The following SLCO1A2 variants were observed in gnomAD, a reference collection of about 807,000 sequenced individuals.
The protein encoded by SLCO1A2 is solute carrier organic anion transporter family member 1A2.
A neutral mutation model predicts 69.0 loss-of-function variants in SLCO1A2; 67 were observed. The observed-to-expected ratio is 0.97, with a 90% CI of 0.80 to 1.19. The LOEUF is 1.19. SLCO1A2 is among the 50% of genes most tolerant of loss of function. SLCO1A2 has a pLI of 0.00. For missense variants in SLCO1A2, 787 were observed against 793.7 expected, an observed-to-expected ratio of 0.99 and a Z score of 0.10; for synonymous variants, 260 against 265.9, an observed-to-expected ratio of 0.98 and a Z score of 0.22.
intron 2 of SLCO1A2, among the ~76,000 whole-genome samples, chr12:21,360,913 G>A (rs948183667): frequency 2.0e-5 from 3 of 152,104 alleles, no homozygotes; most frequent in African/African-American, 4.8e-5. Flanking sequence ...GGAGCCCACC[G>A]CAGCTCAAGG....
At chr12:21,292,136 A>T in intron 12 of SLCO1A2, 28 bp downstream of exon 12, 1 of 1,486,232 alleles carries the variant, frequency 6.7e-7, no homozygotes, top group Non-Finnish European at 9.0e-7. Context: ...ACCCCAAAAA[A>T]ATATAAATAA....
At chr12:21,272,668 T>G (rs1943089094) in intron 14 of SLCO1A2, among the ~76,000 whole-genome samples, 1 of 152,118 alleles carries the variant, frequency 6.6e-6, no homozygotes, top group African/African-American at 2.4e-5. Context: ...TTTTGATCTA[T>G]CTATCTCTTA....
upstream of SLCO1A2, among the ~76,000 whole-genome samples, chr12:21,396,629 C>T (rs1413124617): frequency 1.3e-5 from 2 of 152,000 alleles, no homozygotes; most frequent in South Asian, 2.1e-4. Context: ...AGAGAAAGGT[C>T]GGGTTACCCT....
intron 12 of SLCO1A2, among the ~76,000 whole-genome samples, chr12:21,288,736 A>G (rs1946363067): frequency 6.6e-6 from 1 of 152,056 alleles, no homozygotes; most frequent in Non-Finnish European, 1.5e-5. Flanking sequence ...TAATATGGTT[A>G]TTACACACTG....
At chr12:21,376,297 A>C (rs750722975) in intron 1 of SLCO1A2, 2 of 336,326 alleles carry the variant, frequency 5.9e-6, no homozygotes, top group Non-Finnish European at 1.2e-5. Context: ...TTTGACCCAT[A>C]ATTTTCCTTT....
At position 21,309,888 on chromosome 12, in the gene SLCO1A2, G is replaced by A. The variant is rs562019309; in HGVS notation, c.336-2900C>T. On this transcript the variant is annotated intron_variant, in intron 4 of 14. Transcript: ENST00000683939. ...AGATGGAGAATTGAAAGTGATATGTGAGGAATCTCCAAGACAAAAATAATA... is the reference window on the plus strand; with the variant it reads ...AGATGGAGAATTGAAAGTGATATGTAAGGAATCTCCAAGACAAAAATAATA... Among the ~76,000 whole-genome samples, 58 of 152,286 alleles carry A rather than the reference G, an allele frequency of 3.8e-4. No individual in the cohort carries two copies. The South Asian group carries it at 0.011, about 30-fold the overall frequency.
chr12:21,384,560 A>G (rs1182929659), intron 1 of SLCO1A2, among the ~76,000 whole-genome samples: 2 of 152,168 alleles, frequency 1.3e-5, no homozygotes, highest in Non-Finnish European at 2.9e-5. Flanking sequence ...GAAACAGCAT[A>G]TCTGGTAAGT....
intron 1 of SLCO1A2, among the ~76,000 whole-genome samples, chr12:21,406,797 A>G (rs1941830019): frequency 6.6e-6 from 1 of 152,218 alleles, no homozygotes; most frequent in Non-Finnish European, 1.5e-5. Flanking sequence ...GTTAGCAAAT[A>G]GATGTGAAAG....
intron 2 of SLCO1A2, among the ~76,000 whole-genome samples, chr12:21,363,262 C>T (rs1378943425): frequency 6.6e-6 from 1 of 152,154 alleles, no homozygotes; most frequent in Non-Finnish European, 1.5e-5. Context: ...CGCTCAACTA[C>T]ATGGAAACTG....
At chr12:21,290,008 A>T (rs1176046836) in intron 12 of SLCO1A2, among the ~76,000 whole-genome samples, 2 of 148,350 alleles carry the variant, frequency 1.3e-5, no homozygotes, top group Non-Finnish European at 3.0e-5. Flanking sequence ...TGTTTTTCTC[A>T]GTGTGTGTGT....
intron 1 of SLCO1A2, among the ~76,000 whole-genome samples, chr12:21,416,378 A>G (rs987124424): frequency 6.6e-6 from 1 of 151,924 alleles, no homozygotes; most frequent in Non-Finnish European, 1.5e-5. Flanking sequence ...ACACACACAC[A>G]CACACACAAA....
chr12:21,375,552 C>A (rs1051240316), intron 1 of SLCO1A2, among the ~76,000 whole-genome samples: 2 of 152,172 alleles, frequency 1.3e-5, no homozygotes, highest in African/African-American at 4.8e-5. Flanking sequence ...TACTTTCCCA[C>A]CAACTTTTTT....
In SLCO1A2 at chr12:21,356,664, A is replaced by G. The variant is rs1412652884; in HGVS notation, c.-63+17735T>C. Among the ~76,000 whole-genome samples, 5 of 152,184 alleles carry G rather than the reference A, an allele frequency of 3.3e-5. No individual in the cohort carries two copies. The East Asian group carries it at 5.8e-4, about 18-fold the overall frequency. On this transcript the variant is annotated intron_variant, in intron 2 of 15. Transcript: ENST00000307378. ...AAAGATATGAGTGTTATACATTTCT[A>G]TGCACCCAATGAGTAAAACAACTTC... is the stretch of plus-strand genomic sequence containing the variant.
rs1942353288 is a variant in SLCO1A2 at position 21,269,001 on chromosome 12, A to T, written c.*547T>A. ...AAATTGAAAGTAGGAGGGTATATTT[A>T]TGAGTAATCTATTATATAGGAGTCA... On this transcript the variant is annotated 3_prime_UTR_variant, in exon 15 of 15. Coordinates refer to ENST00000683939, the MANE Select transcript of SLCO1A2 (RefSeq NM_001386879.1). The T allele has an allele frequency of 1.3e-5, 2 of 152,032 alleles. No individual in the cohort carries two copies. 9.4% of individuals were successfully genotyped at this position (152,032 alleles called of 1,614,324 possible).
chr12:21,325,039 A>G (rs886706514), intron 2 of SLCO1A2, among the ~76,000 whole-genome samples: 10 of 152,150 alleles, frequency 6.6e-5, no homozygotes, highest in African/African-American at 2.4e-4. Flanking sequence ...GAAATTCTCT[A>G]GTCTAGTATT....
intron 1 of SLCO1A2, among the ~76,000 whole-genome samples, chr12:21,387,647 T>C (rs747703139): frequency 6.6e-5 from 10 of 152,178 alleles, no homozygotes; most frequent in Admixed American, 2.0e-4. Flanking sequence ...CAGAGGTTTG[T>C]TGTAAGGGCA....
At chr12:21,269,869 G>T in intron 14 of SLCO1A2, 102 bp from the exon 15 acceptor site, 2 of 828,948 alleles carry the variant, frequency 2.4e-6, no homozygotes, top group Non-Finnish European at 3.4e-6. Context: ...AACAGCAGCT[G>T]ATGGTTTTGC....
chr12:21,310,885 G>A (rs981902567), intron 4 of SLCO1A2, among the ~76,000 whole-genome samples: 1 of 152,172 alleles, frequency 6.6e-6, no homozygotes, highest in African/African-American at 2.4e-5. Flanking sequence ...TTATAGGCGT[G>A]AGCCACCGCG....
intron 1 of SLCO1A2, among the ~76,000 whole-genome samples, chr12:21,405,263 C>A (rs1238574344): frequency 1.3e-5 from 2 of 152,130 alleles, no homozygotes; most frequent in Admixed American, 1.3e-4. Context: ...GCTTTTGTTG[C>A]AATTTCTTAT....
Sources: gnomAD v4.1 joint callset for allele counts (sites outside exome capture counted in the v4.1 genomes callset) on GRCh38, gnomAD v4.1.1 for gene constraint, MANE v1.5 for transcripts, NCBI Gene and HGNC (gene_info 2026-07-23, HGNC 2026-07-21) for gene names.